Variants in SH3PXD2A observed in about 807,000 individuals in gnomAD.
SH3PXD2A encodes SH3 and PX domains 2A, also known as SH3 and PX domain-containing protein 2A.
A neutral mutation model predicts 115.2 loss-of-function variants in SH3PXD2A; 32 were observed. That is an observed-to-expected ratio of 0.28 (90% CI 0.21 to 0.37). The LOEUF (loss-of-function observed/expected upper bound fraction) is 0.37. SH3PXD2A is among the 10% of genes least tolerant of loss of function. The pLI is 1.00. For synonymous variants in SH3PXD2A, 610 were observed against 629.1 expected (o/e 0.97, Z 0.45); for missense variants, 1,328 against 1,498.7 (o/e 0.89, Z 1.88).
At chr10:103,687,137 A>G (rs188198741) in intron 6 of SH3PXD2A, among the ~76,000 whole-genome samples, 110 of 152,332 alleles carry the variant, frequency 7.2e-4, no homozygotes, top group African/African-American at 2.4e-3. Flanking sequence ...GGCCTGAGTC[A>G]GTAGCTGAAA....
At position 103,596,631 on chromosome 10, in the gene SH3PXD2A, A is replaced by G. The variant is rs2036136016; in HGVS notation, c.*5185T>C. 9.7e-6 allele frequency: 1 copy of G among 103,280 alleles called. No individual in the cohort carries two copies. The highest frequency in any genetic ancestry group is 1.1e-4 in the Admixed American group (1 of 9,468). 6.4% of individuals were successfully genotyped at this position (103,280 alleles called of 1,614,324 possible). ...TGGGAAGTTACCAACACTTGCATAC[A>G]CAGACACACACACACACACACACAC... On this transcript the variant is annotated 3_prime_UTR_variant, in exon 15 of 15. Transcript: ENST00000369774.
chr10:103,797,891 T>C (rs910244734), intron 2 of SH3PXD2A, among the ~76,000 whole-genome samples: 4 of 152,088 alleles, frequency 2.6e-5, no homozygotes, highest in African/African-American at 9.7e-5. Flanking sequence ...GGTGCAAGTG[T>C]CCATCTCCCT....
intron 3 of SH3PXD2A, among the ~76,000 whole-genome samples, chr10:103,751,926 T>C (rs2038584406): frequency 6.6e-6 from 1 of 152,252 alleles, no homozygotes; most frequent in Admixed American, 6.5e-5. Flanking sequence ...CCGGTATTCA[T>C]GCCTCCTGAT....
chr10:103,849,971 T>C (rs796914850), intron 1 of SH3PXD2A, among the ~76,000 whole-genome samples: 11 of 152,326 alleles, frequency 7.2e-5, no homozygotes, highest in African/African-American at 2.6e-4. Flanking sequence ...AGAACACAGT[T>C]GCCCATTAGA....
intron 8 of SH3PXD2A, among the ~76,000 whole-genome samples, chr10:103,633,266 A>G (rs946427219): frequency 6.6e-6 from 1 of 151,952 alleles, no homozygotes; most frequent in African/African-American, 2.4e-5. Flanking sequence ...AAATACAAAA[A>G]TTAGCCAGGT....
At chr10:103,682,187 G>A (rs2037618447) in intron 6 of SH3PXD2A, among the ~76,000 whole-genome samples, 1 of 152,218 alleles carries the variant, frequency 6.6e-6, no homozygotes, top group African/African-American at 2.4e-5. Context: ...CAGGATCCGG[G>A]GAGCGCTTGC....
chr10:103,815,033 A>C (rs2134282145), intron 1 of SH3PXD2A, among the ~76,000 whole-genome samples: 1 of 152,260 alleles, frequency 6.6e-6, no homozygotes, highest in African/African-American at 2.4e-5. Flanking sequence ...AATGAGAAGG[A>C]CCTCAGATCA....
chr10:103,777,709 A>G (rs535084475), intron 2 of SH3PXD2A, among the ~76,000 whole-genome samples: 2 of 152,140 alleles, frequency 1.3e-5, no homozygotes, highest in South Asian at 4.2e-4. Context: ...CATTCCACAG[A>G]CCCCCACCTG....
intron 2 of SH3PXD2A, among the ~76,000 whole-genome samples, chr10:103,769,209 C>T (rs2038793469): frequency 6.7e-6 from 1 of 149,312 alleles, no homozygotes; most frequent in African/African-American, 2.5e-5. Flanking sequence ...TATTTCCATC[C>T]ATCCATCCGT....
At chr10:103,835,009 C>A (rs1319732867) in intron 1 of SH3PXD2A, among the ~76,000 whole-genome samples, 4 of 152,228 alleles carry the variant, frequency 2.6e-5, no homozygotes, top group African/African-American at 9.6e-5. Flanking sequence ...GCTCAGGCTG[C>A]CTTGAATGAG....
intron 8 of SH3PXD2A, among the ~76,000 whole-genome samples, chr10:103,644,052 T>C (rs556876246): frequency 1.4e-5 from 2 of 143,708 alleles, no homozygotes; most frequent in Admixed American, 1.5e-4. Context: ...GACATGGAGC[T>C]TGCAGTGGGC....
intron 3 of SH3PXD2A, among the ~76,000 whole-genome samples, chr10:103,758,150 G>A (rs1484183619): frequency 3.3e-5 from 5 of 152,246 alleles, no homozygotes; most frequent in African/African-American, 1.2e-4. Flanking sequence ...CACAGGTGGA[G>A]CCGCTCTGGA....
intron 3 of SH3PXD2A, among the ~76,000 whole-genome samples, chr10:103,763,871 G>A (rs1042554887): frequency 8.5e-5 from 13 of 152,350 alleles, no homozygotes; most frequent in African/African-American, 3.1e-4. Context: ...GAACAGTTTT[G>A]TGGTGCCATT....
intron 3 of SH3PXD2A, among the ~76,000 whole-genome samples, chr10:103,766,875 G>A (rs1003991611): frequency 6.6e-6 from 1 of 152,218 alleles, no homozygotes; most frequent in Admixed American, 6.5e-5. Flanking sequence ...TACAGGCCAG[G>A]AGCCAGCAGA....
intron 5 of SH3PXD2A, among the ~76,000 whole-genome samples, chr10:103,702,291 A>G (rs953178841): frequency 6.6e-6 from 1 of 152,150 alleles, no homozygotes; most frequent in African/African-American, 2.4e-5. Flanking sequence ...CCTCTTTTTC[A>G]TTTTTTTGTC....
At position 103,606,019 on chromosome 10, in the gene SH3PXD2A, G is replaced by A. The variant is rs192951285; in HGVS notation, c.1309-102C>T. On this transcript the variant is annotated intron_variant, in intron 13 of 14. Coordinates refer to ENST00000369774, the MANE Select transcript of SH3PXD2A (RefSeq NM_001394015.1). ...CAGTCCCCAGGGGGTGCGGATGGCC[G>A]TTTACACCAGCTGGACAGCAGCTGG... 1.1e-4 allele frequency: 128 copies of A among 1,206,116 alleles called. 2 individuals are homozygous for A. In the Admixed American group the frequency reaches 1.9e-3, roughly 18 times the overall value. The allele number at this position is 1,206,116 out of a possible 1,614,324, so 74.7% of individuals were successfully genotyped here.
At chr10:103,625,611 G>A (rs2036679481) in intron 9 of SH3PXD2A, among the ~76,000 whole-genome samples, 1 of 152,198 alleles carries the variant, frequency 6.6e-6, no homozygotes, top group Admixed American at 6.5e-5. Context: ...TGGAACTAGG[G>A]GCTGGGCACT....
intron 2 of SH3PXD2A, among the ~76,000 whole-genome samples, chr10:103,798,470 G>A (rs540947918): frequency 3.9e-5 from 6 of 152,222 alleles, no homozygotes; most frequent in South Asian, 4.1e-4. Context: ...ATCGCACCTC[G>A]CTAGTTCTTC....
chr10:103,804,766 C>G (rs1204594773), intron 1 of SH3PXD2A, among the ~76,000 whole-genome samples: 1 of 152,062 alleles, frequency 6.6e-6, no homozygotes, highest in Non-Finnish European at 1.5e-5. Context: ...AACTGGGGGC[C>G]CAGACAGAAG....
Sources: gnomAD v4.1 joint callset for allele counts (sites outside exome capture counted in the v4.1 genomes callset) on GRCh38, gnomAD v4.1.1 for gene constraint, MANE v1.5 for transcripts, NCBI Gene and HGNC (gene_info 2026-07-23, HGNC 2026-07-21) for gene names.